The following AKT2 variants were observed in gnomAD, a reference collection of about 807,000 sequenced individuals.
AKT2 encodes RAC-beta serine/threonine-protein kinase.
A neutral mutation model predicts 58.6 loss-of-function variants in AKT2; 16 were observed. That is an observed-to-expected ratio of 0.27 (90% CI 0.18 to 0.41). The LOEUF (loss-of-function observed/expected upper bound fraction) is 0.41, where lower values mean the gene tolerates loss of function less well. Among genes scored for constraint, AKT2 ranks in the 10% least tolerant of loss-of-function variants. The probability of loss-of-function intolerance (pLI) is 1.00; values close to 1 mark genes in which losing one functional copy is unlikely to be tolerated. For missense variants in AKT2, 438 were observed against 661.0 expected (o/e 0.66, Z 3.70); for synonymous variants, 253 against 254.0 (o/e 1.00, Z 0.04).
At chr19:40,251,781 G>A (rs987682603) in intron 4 of AKT2, among the ~76,000 whole-genome samples, 2 of 152,202 alleles carry the variant, frequency 1.3e-5, no homozygotes, top group Non-Finnish European at 2.9e-5. Flanking sequence ...CATCTCAGGC[G>A]TGACAGCATC....
Position 40,230,555 on chromosome 19 carries a change from A to C in AKT2, c.*3317T>G, listed in dbSNP as rs1379759174. The C allele has an allele frequency of 8.8e-6, 2 of 227,446 alleles. No individual in the cohort carries two copies. Among genetic ancestry groups the C allele is most frequent in the African/African-American group, 4.4e-5 (2 of 44,982 alleles). 14.1% of individuals were successfully genotyped at this position (227,446 alleles called of 1,614,324 possible). A position where few individuals can be genotyped will look rare whatever the true frequency, so the allele number is the denominator to read the frequency against. ...CCCCAGAGGCTTCACATTAACTGGA[A>C]AAGATTACACAAAAAGAGCAGGAAA... is the stretch of plus-strand genomic sequence containing the variant. On this transcript the variant is annotated 3_prime_UTR_variant, in exon 14 of 14. Coordinates refer to ENST00000392038, the MANE Select transcript of AKT2 (RefSeq NM_001626.6).
In AKT2 at chr19:40,232,165, T is replaced by A. The variant is rs1012942447; in HGVS notation, c.*1707A>T. ...CACAGCACCAGCTCCACCCACCCTC[T>A]CCAGCCTGAGCTCCTGCACACACCC... On this transcript the variant is annotated 3_prime_UTR_variant, in exon 14 of 14. Transcript: ENST00000392038. 1 of 233,328 alleles carries A rather than the reference T, an allele frequency of 4.3e-6. No individual in the cohort carries two copies. The highest frequency in any genetic ancestry group is 5.6e-5 in the Admixed American group (1 of 17,734). 14.5% of individuals were successfully genotyped at this position (233,328 alleles called of 1,614,324 possible). A position where few individuals can be genotyped will look rare whatever the true frequency, so the allele number is the denominator to read the frequency against.
At chr19:40,282,377 C>T (rs538653355) in intron 1 of AKT2, 29 of 416,382 alleles carry the variant, frequency 7.0e-5, no homozygotes, top group African/African-American at 4.1e-4. Flanking sequence ...TGCTAGCTAA[C>T]GCAGGTCCCT....
At chr19:40,272,052 C>T (rs982335920) in intron 1 of AKT2, among the ~76,000 whole-genome samples, 5 of 152,240 alleles carry the variant, frequency 3.3e-5, no homozygotes, top group Non-Finnish European at 5.9e-5. Flanking sequence ...TACCACGTGC[C>T]AGGCCCATTT....
intron 1 of AKT2, among the ~76,000 whole-genome samples, chr19:40,277,831 A>C (rs2077354192): frequency 6.6e-6 from 1 of 152,146 alleles, no homozygotes; most frequent in Non-Finnish European, 1.5e-5. Flanking sequence ...CGCATCCAGA[A>C]CTACACGTGG....
At chr19:40,256,307 G>C (rs566705613) in intron 3 of AKT2, among the ~76,000 whole-genome samples, 2 of 152,170 alleles carry the variant, frequency 1.3e-5, no homozygotes, top group Non-Finnish European at 1.5e-5. Flanking sequence ...ACTGGCAGTG[G>C]AGATGGGGGT....
Position 40,233,878 on chromosome 19 carries a change from G to T in AKT2, c.1440C>A (p.Arg480=). The T allele has an allele frequency of 6.2e-7, 1 of 1,611,406 alleles. No homozygotes were observed. Among genetic ancestry groups the T allele is most frequent in the Non-Finnish European group, 8.5e-7 (1 of 1,179,908 alleles). ...FPQFSYSASI[R]E The stretch of plus-strand genomic sequence containing the variant: ...CTCTGCGTGGGCAGACTGCTCACTC[G>T]CGGATGCTGGCCGAGTAGGAGAACT... Residue 480 remains arginine (R), a synonymous_variant, in exon 14 of 14, where the codon CGC becomes CGA. Coordinates refer to ENST00000392038, the MANE Select transcript of AKT2 (RefSeq NM_001626.6). This position sits in a 1 kb window ranked among gnomAD's most constrained non-coding sequence, Gnocchi z 4.3.
At chr19:40,267,591 G>A (rs767000032) in intron 1 of AKT2, among the ~76,000 whole-genome samples, 1 of 152,110 alleles carries the variant, frequency 6.6e-6, no homozygotes, top group Non-Finnish European at 1.5e-5. Context: ...ACCTATTAAC[G>A]CTAATGCAGT....
chr19:40,244,732 C>T (rs1206693315), intron 4 of AKT2, among the ~76,000 whole-genome samples: 2 of 152,228 alleles, frequency 1.3e-5, no homozygotes, highest in Non-Finnish European at 2.9e-5. Flanking sequence ...TGCAGCCAGC[C>T]CTTCACAGCA....
intron 4 of AKT2, among the ~76,000 whole-genome samples, chr19:40,246,943 G>A (rs1974794586): frequency 6.6e-6 from 1 of 152,254 alleles, no homozygotes; most frequent in Non-Finnish European, 1.5e-5. Context: ...AGGGCGGGGT[G>A]GAAGGGAGGG....
intron 2 of AKT2, among the ~76,000 whole-genome samples, chr19:40,257,912 C>G (rs1292563261): frequency 6.6e-6 from 1 of 152,162 alleles, no homozygotes; most frequent in Non-Finnish European, 1.5e-5. Flanking sequence ...ATCATTATGA[C>G]TCCATTTATA....
chr19:40,261,407 C>T (rs1975938967), intron 2 of AKT2, among the ~76,000 whole-genome samples: 1 of 152,098 alleles, frequency 6.6e-6, no homozygotes, highest in Non-Finnish European at 1.5e-5. Flanking sequence ...GTGGCACACG[C>T]CTGTAATCCC....
chr19:40,250,621 G>A (rs4277441), intron 4 of AKT2, among the ~76,000 whole-genome samples: 110,579 of 151,952 alleles, frequency 0.73, 40,437 homozygotes, highest in African/African-American at 0.79. Flanking sequence ...TGAGCCCAGG[G>A]GTTCAAGACC....
chr19:40,251,644 CAT>C (rs1975163865), intron 4 of AKT2, among the ~76,000 whole-genome samples: 1 of 152,090 alleles, frequency 6.6e-6, no homozygotes, highest in African/African-American at 2.4e-5. Context: ...GTCAAAGAGA[CAT>C]GTACCTTGAA....
chr19:40,274,864 G>C (rs2077281702), intron 1 of AKT2: 1 of 355,600 alleles, frequency 2.8e-6, no homozygotes, highest in Admixed American at 3.7e-5. Flanking sequence ...TTTGGAGTGA[G>C]AGGGGAACTA....
rs530432195 is a variant in AKT2 at position 40,257,161 on chromosome 19, G to A, written c.47-107C>T. 1.6e-4 allele frequency: 231 copies of A among 1,429,286 alleles called. No homozygotes were observed. In the African/African-American group the frequency reaches 2.7e-3, roughly 16 times the overall value. 88.5% of individuals were successfully genotyped at this position (1,429,286 alleles called of 1,614,324 possible). A position where few individuals can be genotyped will look rare whatever the true frequency, so the allele number is the denominator to read the frequency against. On this transcript the variant is annotated intron_variant, in intron 2 of 13. Transcript: ENST00000392038. ...GACGGTGACTCACAAGGGGTACCACGGGGCGGGGAGGTGCGGGGGACACAC... is the reference window on the plus strand; with the variant it reads ...GACGGTGACTCACAAGGGGTACCACAGGGCGGGGAGGTGCGGGGGACACAC...
chr19:40,285,266 C>CCCGGCAGCGGCAACGGCG lies in AKT2; in HGVS notation c.-188_-171dup. The CCCGGCAGCGGCAACGGCG allele has an allele frequency of 2.5e-6, 1 of 395,652 alleles. No individual in the cohort carries two copies. The highest frequency in any genetic ancestry group is 4.5e-6 in the Non-Finnish European group (1 of 224,122). 24.5% of individuals were successfully genotyped at this position (395,652 alleles called of 1,614,324 possible). On this transcript the variant is annotated 5_prime_UTR_variant, in exon 1 of 14. Transcript: ENST00000392038. The stretch of plus-strand genomic sequence containing the variant: ...GCGCTGGTTCCCTTTCCTTGTGTTT[C>CCCGGCAGCGGCAACGGCG]CCGGCAGCGGCAACGGCGCCGGCAG...
At chr19:40,246,502 T>C (rs1974761588) in intron 4 of AKT2, among the ~76,000 whole-genome samples, 1 of 151,844 alleles carries the variant, frequency 6.6e-6, no homozygotes, top group South Asian at 2.1e-4. Context: ...GAGTAAATGA[T>C]GGCGGATTGG....
chr19:40,281,692 T>C (rs2077427025), intron 1 of AKT2, among the ~76,000 whole-genome samples: 2 of 152,234 alleles, frequency 1.3e-5, no homozygotes, highest in Admixed American at 1.3e-4. Context: ...ATTTCAGCCC[T>C]GATCTCCTCC....
Sources: gnomAD v4.1 joint callset for allele counts (sites outside exome capture counted in the v4.1 genomes callset) on GRCh38, gnomAD v4.1.1 for gene constraint, Gnocchi (gnomAD v3.1) non-coding constraint, MANE v1.5 for transcripts, NCBI Gene and HGNC (gene_info 2026-07-23, HGNC 2026-07-21) for gene names.